The following RMI1 variants were observed in gnomAD, a reference collection of about 807,000 sequenced individuals.
RMI1 encodes RecQ mediated genome instability 1.
A neutral mutation model predicts 46.7 loss-of-function variants in RMI1; 36 were observed. The observed-to-expected ratio is 0.77, with a 90% CI of 0.59 to 1.02. RMI1 has a LOEUF of 1.02. RMI1 is among the 50% of genes least tolerant of loss of function. The pLI is 0.00. For missense variants in RMI1, 676 were observed against 713.7 expected (o/e 0.95, Z 0.60); for synonymous variants, 250 against 252.9 (o/e 0.99, Z 0.11).
intron 1 of RMI1, chr9:83,992,829 C>G (rs1957593875): frequency 6.6e-6 from 1 of 152,118 alleles, no homozygotes; most frequent in Non-Finnish European, 1.5e-5. Flanking sequence ...CATCAATATT[C>G]ATGTCATTGG....
chr9:84,002,218 C>T lies in RMI1; in HGVS notation c.1232C>T (p.Ala411Val). ...TCAGTTCATTGTAATGTACCCTTAG[C>T]CCATGATTTTACAAATAAAGAAAAG... ...IFSVHCNVPL[A>V]HDFTNKEKNL... The change falls in exon 3 of 3, where the codon GCC (alanine) becomes GTC (valine). Residue 411 changes from alanine to valine, a missense_variant. Transcript: ENST00000445877. 6.2e-7 allele frequency: 1 copy of T among 1,608,330 alleles called. No individual in the cohort carries two copies. The highest frequency in any genetic ancestry group is 1.7e-5 in the Admixed American group (1 of 58,176).
At chr9:83,981,077 G>T (rs1957375516) in intron 1 of RMI1, 186 bp downstream of exon 1, 2 of 152,226 alleles carry the variant, frequency 1.3e-5, no homozygotes. Flanking sequence ...ATGGTCCGGG[G>T]CGCCCGTCAG....
At chr9:83,980,692 A>G (rs1385363143), upstream of RMI1, 2 of 151,678 alleles carry the variant, frequency 1.3e-5, no homozygotes, top group Non-Finnish European at 1.5e-5. Flanking sequence ...TGCCTAGTTC[A>G]CGCGCACAGG....
chr9:83,980,796 TA>T, upstream of RMI1: 1 of 151,914 alleles, frequency 6.6e-6, no homozygotes, highest in Non-Finnish European at 1.5e-5. Flanking sequence ...CGGGAAGAGG[TA>T]AAAAAGGAAC....
At chr9:83,985,664 A>G (rs1441960238) in intron 1 of RMI1, among the ~76,000 whole-genome samples, 1 of 152,226 alleles carries the variant, frequency 6.6e-6, no homozygotes, top group Non-Finnish European at 1.5e-5. Context: ...AGTGTTTTTC[A>G]GAATTCATCC....
chr9:84,001,787 A>G lies in RMI1; in HGVS notation c.801A>G (p.Arg267=). 7 of 1,614,090 alleles carry G rather than the reference A, an allele frequency of 4.3e-6. No homozygotes were observed. The highest frequency in any genetic ancestry group is 2.2e-5 in the East Asian group (1 of 44,876). The change falls in exon 3 of 3, where the codon CGA becomes CGG. Residue 267 remains arginine (R), a synonymous_variant. Transcript: ENST00000445877. The part of the protein sequence containing the change: ...LTANNDTSSE[R]CFTTGSSSNT... ...CAAATAATGACACTTCCTCAGAACG[A>G]TGTTTCACCACAGGTAGTTCCTCAA...
At chr9:83,982,755 C>T (rs746422795) in intron 1 of RMI1, among the ~76,000 whole-genome samples, 1 of 151,694 alleles carries the variant, frequency 6.6e-6, no homozygotes, top group Non-Finnish European at 1.5e-5. Flanking sequence ...ATTATTCATC[C>T]CCTCTAGATG....
intron 1 of RMI1, among the ~76,000 whole-genome samples, chr9:83,997,260 C>A (rs1470129365): frequency 6.6e-6 from 1 of 151,792 alleles, no homozygotes; most frequent in South Asian, 2.1e-4. Context: ...TACAGGCATG[C>A]GCCACCACAC....
intron 1 of RMI1, among the ~76,000 whole-genome samples, chr9:83,990,239 G>A (rs564358131): frequency 5.9e-5 from 9 of 152,290 alleles, no homozygotes; most frequent in East Asian, 1.9e-4. Flanking sequence ...GTTAGAGGCC[G>A]GGCGCAGTGG....
intron 1 of RMI1, among the ~76,000 whole-genome samples, chr9:83,995,527 A>C (rs1427378253): frequency 1.3e-5 from 2 of 151,638 alleles, no homozygotes; most frequent in East Asian, 3.9e-4. Flanking sequence ...TCCCGGGTTC[A>C]AGCAATTCTT....
intron 1 of RMI1, among the ~76,000 whole-genome samples, chr9:83,994,749 G>A (rs1280958131): frequency 6.6e-6 from 1 of 151,980 alleles, no homozygotes; most frequent in East Asian, 1.9e-4. Flanking sequence ...GAACTCCTGA[G>A]CTCAAGCGTT....
chr9:83,984,585 A>C (rs922158269), intron 1 of RMI1, among the ~76,000 whole-genome samples: 1 of 127,644 alleles, frequency 7.8e-6, no homozygotes, highest in African/African-American at 3.0e-5. Context: ...TTTTGAGACA[A>C]AGTTTCGTTC....
At chr9:83,985,655 G>T (rs1220763157) in intron 1 of RMI1, among the ~76,000 whole-genome samples, 1 of 152,232 alleles carries the variant, frequency 6.6e-6, no homozygotes, top group Non-Finnish European at 1.5e-5. Flanking sequence ...TCACTGAGCA[G>T]TGTTTTTCAG....
At chr9:83,991,975 C>T (rs937992573) in intron 1 of RMI1, among the ~76,000 whole-genome samples, 3 of 152,004 alleles carry the variant, frequency 2.0e-5, no homozygotes, top group South Asian at 2.1e-4. Flanking sequence ...GTTCCTTTGC[C>T]GTTCCATATA....
At chr9:83,996,745 A>G (rs1957659421) in intron 1 of RMI1, among the ~76,000 whole-genome samples, 1 of 152,124 alleles carries the variant, frequency 6.6e-6, no homozygotes, top group African/African-American at 2.4e-5. Flanking sequence ...AAATTGGCTT[A>G]TGGTTCTGCA....
At chr9:83,982,803 T>C (rs756582874) in intron 1 of RMI1, among the ~76,000 whole-genome samples, 1 of 152,226 alleles carries the variant, frequency 6.6e-6, no homozygotes, top group Non-Finnish European at 1.5e-5. Flanking sequence ...CCCCATTTGA[T>C]TTCTTCTTTA....
intron 1 of RMI1, among the ~76,000 whole-genome samples, chr9:83,992,240 C>T (rs1463715842): frequency 6.6e-6 from 1 of 152,180 alleles, no homozygotes; most frequent in Non-Finnish European, 1.5e-5. Context: ...GTTGCTTGTG[C>T]AGTTGGCAAC....
At chr9:83,987,956 G>A (rs932408060) in intron 1 of RMI1, among the ~76,000 whole-genome samples, 2 of 152,056 alleles carry the variant, frequency 1.3e-5, no homozygotes, top group Non-Finnish European at 2.9e-5. Flanking sequence ...TGCAAACACG[G>A]CTCACTGCAG....
At chr9:83,985,722 C>A (rs1564078723) in intron 1 of RMI1, among the ~76,000 whole-genome samples, 1 of 152,132 alleles carries the variant, frequency 6.6e-6, no homozygotes, top group Non-Finnish European at 1.5e-5. Context: ...TTCAGTAGCA[C>A]ATACGGCCGG....
Sources: gnomAD v4.1 joint callset for allele counts (sites outside exome capture counted in the v4.1 genomes callset) on GRCh38, gnomAD v4.1.1 for gene constraint, MANE v1.5 for transcripts, NCBI Gene and HGNC (gene_info 2026-07-23, HGNC 2026-07-21) for gene names.